Variants in ATN1 observed in about 807,000 individuals in gnomAD.
The protein encoded by ATN1 is atrophin-1.
Under a neutral mutation model 85.8 loss-of-function variants are expected in ATN1, and 19 were observed. The ratio of observed to expected loss-of-function variants is 0.22; its 90% confidence interval spans 0.15 to 0.32. ATN1 has a LOEUF of 0.32. Ranked by LOEUF, ATN1 falls within the 10% of genes least tolerant of loss-of-function variation. ATN1 has a pLI of 1.00. For synonymous variants in ATN1, 674 were observed against 657.0 expected, an observed-to-expected ratio of 1.03 and a Z score of -0.39; for missense variants, 1,453 against 1,564.5, an observed-to-expected ratio of 0.93 and a Z score of 1.20.
Position 6,941,301 on chromosome 12 carries a change from C to A in ATN1, c.3359-73C>A. The A allele has an allele frequency of 6.7e-7, 1 of 1,493,826 alleles. No individual in the cohort carries two copies. Among genetic ancestry groups the A allele is most frequent in the Non-Finnish European group, 9.0e-7 (1 of 1,111,318 alleles). The allele number at this position is 1,493,826 out of a possible 1,614,324, so 92.5% of individuals were successfully genotyped here. A position where few individuals can be genotyped will look rare whatever the true frequency, so the allele number is the denominator to read the frequency against. The stretch of plus-strand genomic sequence containing the variant: ...TTCATTACCTTTGTATGTAAAGGAG[C>A]TGGCTATCCCCTGGTCCAGAGCAGG... On this transcript the variant is annotated intron_variant, in intron 8 of 9. Transcript: ENST00000396684. The surrounding 1 kb of genome is among the most constrained non-coding windows in gnomAD (Gnocchi z 5.9).
rs1491051103 is a variant in ATN1, at chr12:6,936,734, G to GCAA, written c.1469_1470insACA (p.Gln502dup). ...ATCACCACCAGCAACAGCAACAGCA[G>GCAA]CAGCAGCAGCAGCAGCAGCAGCAGC... is the stretch of plus-strand genomic sequence containing the variant. On this transcript the variant is annotated inframe_insertion, in exon 5 of 10. Transcript: ENST00000396684. The GCAA allele has an allele frequency of 1.3e-6, 1 of 755,594 alleles. No individual in the cohort carries two copies. Among genetic ancestry groups the GCAA allele is most frequent in the East Asian group, 4.3e-5 (1 of 23,150 alleles). 46.8% of individuals were successfully genotyped at this position (755,594 alleles called of 1,614,324 possible). A position where few individuals can be genotyped will look rare whatever the true frequency, so the allele number is the denominator to read the frequency against.
At chr12:6,926,986 T>C (rs1449789285), upstream of ATN1, among the ~76,000 whole-genome samples, 1 of 150,594 alleles carries the variant, frequency 6.6e-6, no homozygotes, top group Non-Finnish European at 1.5e-5. Context: ...AGAGCCCTCC[T>C]TTCTCACCCA....
At chr12:6,940,050 C>T (rs782489235) in intron 7 of ATN1, among the ~76,000 whole-genome samples, 13 of 152,384 alleles carry the variant, frequency 8.5e-5, no homozygotes, top group African/African-American at 2.9e-4. Flanking sequence ...GGCGCGATCT[C>T]GGCTTACTGC....
intron 7 of ATN1, 83 bp from the exon 8 acceptor site, chr12:6,940,797 C>T: frequency 6.4e-7 from 1 of 1,553,376 alleles, no homozygotes; most frequent in South Asian, 1.1e-5. Flanking sequence ...GACTCAGTTC[C>T]CAGGCTTGGA....
intron 7 of ATN1, among the ~76,000 whole-genome samples, chr12:6,939,772 G>C (rs1555144417): frequency 6.6e-6 from 1 of 152,176 alleles, no homozygotes; most frequent in Non-Finnish European, 1.5e-5. Context: ...CCAAAGTCCT[G>C]AGATTACAGG....
At chr12:6,927,276 C>G (rs1417454859), upstream of ATN1, among the ~76,000 whole-genome samples, 2 of 151,970 alleles carry the variant, frequency 1.3e-5, no homozygotes, top group Non-Finnish European at 2.9e-5. Flanking sequence ...CCATCCCATT[C>G]TCTCTGATAA....
rs1362985338 is a variant in ATN1 at position 6,937,998 on chromosome 12, G to A, written c.2448G>A (p.Glu816=). The part of the protein sequence containing the change: ...EAEQRAREEK[E]REREREREKE... ...AGCAGCGCGCGCGCGAAGAAAAGGA[G>A]CGCGAGCGCGAGCGGGAACGCGAGA... is the stretch of plus-strand genomic sequence containing the variant. The change falls in exon 6 of 10, where the codon GAG becomes GAA. Residue 816 remains glutamate, a synonymous_variant. Coordinates refer to ENST00000396684, the MANE Select transcript of ATN1 (RefSeq NM_001940.4). The surrounding 1 kb of genome is among the most constrained non-coding windows in gnomAD (Gnocchi z 6.0). 3 of 1,542,874 alleles carry A rather than the reference G, an allele frequency of 1.9e-6. No homozygotes were observed. The highest frequency in any genetic ancestry group is 2.7e-5 in the African/African-American group (2 of 72,914).
rs1555143354 is a variant in ATN1 at position 6,934,527 on chromosome 12, C to T, written c.228C>T (p.Ile76=). The change falls in exon 4 of 10, where the codon ATC becomes ATT. Residue 76 remains isoleucine (I), a synonymous_variant. Coordinates refer to ENST00000396684, the MANE Select transcript of ATN1 (RefSeq NM_001940.4). This position sits in a 1 kb window ranked among gnomAD's most constrained non-coding sequence, Gnocchi z 4.5. ...KVNKQGRSEE[I]SESESEETNA... The stretch of plus-strand genomic sequence containing the variant: ...ACAAGCAGGGTCGGAGTGAGGAGAT[C>T]TCAGAGAGTGAAAGTGAGGAGACCA... 2 of 1,582,216 alleles carry T rather than the reference C, an allele frequency of 1.3e-6. No individual in the cohort carries two copies. The highest frequency in any genetic ancestry group is 2.3e-5 in the South Asian group (2 of 86,816).
Position 6,934,187 on chromosome 12 carries a change from G to C in ATN1, c.39G>C (p.Arg13Ser). Residue 13 changes from arginine (R) to serine (S), a missense_variant, in exon 3 of 10, where the codon AGG becomes AGC. Coordinates refer to ENST00000396684, the MANE Select transcript of ATN1 (RefSeq NM_001940.4). This position sits in a 1 kb window ranked among gnomAD's most constrained non-coding sequence, Gnocchi z 4.5. Reference sequence around the variant, plus strand: ...TCCTCCTCCTGTAGATGTCAATGAGGAGTGGACGGAAGAAAGAGGCCCCTG... The same window carrying C: ...TCCTCCTCCTGTAGATGTCAATGAGCAGTGGACGGAAGAAAGAGGCCCCTG... ...TRQNKDSMSM[R>S]SGRKKEAPGP... is the part of the protein sequence containing the mutation. The C allele has an allele frequency of 6.2e-7, 1 of 1,609,970 alleles. No homozygotes were observed. Among genetic ancestry groups the C allele is most frequent in the Non-Finnish European group, 8.5e-7 (1 of 1,178,982 alleles).
chr12:6,940,235 C>A (rs1443103660), intron 7 of ATN1, among the ~76,000 whole-genome samples: 1 of 152,042 alleles, frequency 6.6e-6, no homozygotes, highest in Non-Finnish European at 1.5e-5. Flanking sequence ...TGTGATCCAC[C>A]CGCCTTGGCC....
In ATN1 at chr12:6,941,815, T is replaced by A; in HGVS notation, c.*35T>A. On this transcript the variant is annotated 3_prime_UTR_variant, in exon 10 of 10. Coordinates refer to ENST00000396684, the MANE Select transcript of ATN1 (RefSeq NM_001940.4). The surrounding 1 kb of genome is among the most constrained non-coding windows in gnomAD (Gnocchi z 5.9). The stretch of plus-strand genomic sequence containing the variant: ...TCAAGAGAGCACCATGGCTCCTACA[T>A]TGGACCTTGGAGCACCCCCACCCTC... 2 of 1,610,820 alleles carry A rather than the reference T, an allele frequency of 1.2e-6. No homozygotes were observed. The highest frequency in any genetic ancestry group is 1.7e-6 in the Non-Finnish European group (2 of 1,177,104).
chr12:6,939,024 C>G lies in ATN1; in HGVS notation c.3061C>G (p.Leu1021Val). Residue 1021 changes from leucine to valine, a missense_variant, in exon 7 of 10, where the codon CTG becomes GTG. Around this residue, in one of 6 missense-constraint regions of ATN1, gnomAD observed 208 missense variants for 263.4 expected, o/e 0.79. Coordinates refer to ENST00000396684, the MANE Select transcript of ATN1 (RefSeq NM_001940.4). ...GCCTGACATGTCCTATGCTGAGCGGCTGGCAGCTGAGAGGCAGCACGCAGA... is the reference window on the plus strand; with the variant it reads ...GCCTGACATGTCCTATGCTGAGCGGGTGGCAGCTGAGAGGCAGCACGCAGA... ...LRPDMSYAER[L>V]AAERQHAERV... The G allele has an allele frequency of 6.2e-7, 1 of 1,610,678 alleles. No individual in the cohort carries two copies. Among genetic ancestry groups the G allele is most frequent in the South Asian group, 1.1e-5 (1 of 91,078 alleles).
intron 1 of ATN1, among the ~76,000 whole-genome samples, chr12:6,931,729 A>T (rs782087453): frequency 1.4e-5 from 2 of 143,714 alleles, no homozygotes; most frequent in Non-Finnish European, 3.0e-5. Context: ...AAAAAAAAAA[A>T]GGAAAAAAAA....
In ATN1 at chr12:6,935,814, T is replaced by C; in HGVS notation, c.547T>C (p.Phe183Leu). The change falls in exon 5 of 10, where the codon TTT becomes CTT. Residue 183 changes from phenylalanine (F) to leucine (L), a missense_variant. Phe to Leu is a conservative substitution (Grantham distance 22). Around this residue, in one of 6 missense-constraint regions of ATN1, gnomAD observed 990 missense variants for 914.8 expected, o/e 1.08. Transcript: ENST00000396684. This position sits in a 1 kb window ranked among gnomAD's most constrained non-coding sequence, Gnocchi z 5.3. ...DSTPRQPEASFEPHPSVTPTG... is the reference protein window; with the variant it reads ...DSTPRQPEASLEPHPSVTPTG... ...CACCCCTCGACAGCCAGAGGCTAGC[T>C]TTGAACCCCATCCTTCTGTGACACC... 6.2e-7 allele frequency: 1 copy of C among 1,613,812 alleles called. No homozygotes were observed. The highest frequency in any genetic ancestry group is 2.2e-5 in the East Asian group (1 of 44,878).
chr12:6,936,407 T>G lies in ATN1; in HGVS notation c.1140T>G (p.Ser380Arg). 6.2e-7 allele frequency: 1 copy of G among 1,613,490 alleles called. No individual in the cohort carries two copies. Among genetic ancestry groups the G allele is most frequent in the Non-Finnish European group, 8.5e-7 (1 of 1,179,874 alleles). ...PMRFPYSSSS[S>R]SSAAASSSSS... ...GGTTTCCTTATTCATCCTCTAGTAG[T>G]AGCTCTGCAGCAGCCTCCTCTTCCA... is the stretch of plus-strand genomic sequence containing the variant. The change falls in exon 5 of 10, where the codon AGT (serine) becomes AGG (arginine). Residue 380 changes from serine to arginine, a missense_variant. By Grantham distance (110) the Ser-to-Arg change is moderately radical. Around this residue, in one of 6 missense-constraint regions of ATN1, gnomAD observed 990 missense variants for 914.8 expected, o/e 1.08. Transcript: ENST00000396684.
chr12:6,934,346 C>T lies in ATN1; in HGVS notation c.165+33C>T. On this transcript the variant is annotated intron_variant, in intron 3 of 9. Transcript: ENST00000396684. The surrounding 1 kb of genome is among the most constrained non-coding windows in gnomAD (Gnocchi z 4.5). Reference sequence around the variant, plus strand: ...GTCCTCAGGTCCTCCCACAGGATGCCCAAGGCACTGGGGCTGAGGGTGTGT... The same window carrying T: ...GTCCTCAGGTCCTCCCACAGGATGCTCAAGGCACTGGGGCTGAGGGTGTGT... 3 of 1,575,826 alleles carry T rather than the reference C, an allele frequency of 1.9e-6. No homozygotes were observed. The highest frequency in any genetic ancestry group is 2.6e-6 in the Non-Finnish European group (3 of 1,163,836).
rs782342376 is a variant in ATN1, at chr12:6,935,538, T to A, written c.280-9T>A. The A allele has an allele frequency of 2.5e-6, 4 of 1,605,354 alleles. No individual in the cohort carries two copies. In the African/African-American group the frequency reaches 5.4e-5, roughly 21 times the overall value. On this transcript the variant is annotated splice_polypyrimidine_tract_variant and intron_variant, in intron 4 of 9. Coordinates refer to ENST00000396684, the MANE Select transcript of ATN1 (RefSeq NM_001940.4). The surrounding 1 kb of genome is among the most constrained non-coding windows in gnomAD (Gnocchi z 5.3). ...AAAAGAGAAAAAATGAGTCTTCCCTTTTCTACAGCAGGAACTCCCTCGGCC... is the reference window on the plus strand; with the variant it reads ...AAAAGAGAAAAAATGAGTCTTCCCTATTCTACAGCAGGAACTCCCTCGGCC...
intron 7 of ATN1, among the ~76,000 whole-genome samples, chr12:6,939,512 A>AT (rs1555144395): frequency 6.6e-6 from 1 of 151,974 alleles, no homozygotes. Context: ...CTTCTTATTT[A>AT]TTTTTTTGAG....
At position 6,941,036 on chromosome 12, in the gene ATN1, G is replaced by GT; in HGVS notation, c.3358+15dup. The GT allele has an allele frequency of 6.2e-7, 1 of 1,613,998 alleles. No individual in the cohort carries two copies. The highest frequency in any genetic ancestry group is 8.5e-7 in the Non-Finnish European group (1 of 1,179,926). ...CACCAGCTCTTTGGTAAGGATGGAA[G>GT]TTGGGGTAGGCAGCTCCAATGAGAA... On this transcript the variant is annotated intron_variant, in intron 8 of 9. Coordinates refer to ENST00000396684, the MANE Select transcript of ATN1 (RefSeq NM_001940.4). The surrounding 1 kb of genome is among the most constrained non-coding windows in gnomAD (Gnocchi z 5.9).
Sources: allele counts gnomAD v4.1 joint callset (sites outside exome capture counted in the v4.1 genomes callset), GRCh38; gene constraint gnomAD v4.1.1; regional missense constraint gnomAD v4.1.1; non-coding constraint Gnocchi (gnomAD v3.1); transcripts MANE v1.5; gene names NCBI Gene and HGNC (gene_info 2026-07-23, HGNC 2026-07-21).